The following KLHL24 variants were observed in gnomAD, a reference collection of about 807,000 sequenced individuals.
KLHL24 encodes kelch-like protein 24.
Under a neutral mutation model 53.4 loss-of-function variants are expected in KLHL24, and 29 were observed. The observed-to-expected ratio is 0.54, with a 90% CI of 0.40 to 0.74. The LOEUF (loss-of-function observed/expected upper bound fraction) is 0.74. KLHL24 is among the 30% of genes least tolerant of loss of function. The pLI is 0.00. For missense variants in KLHL24, 504 were observed against 744.0 expected, an observed-to-expected ratio of 0.68 and a Z score of 3.75; for synonymous variants, 222 against 253.7, an observed-to-expected ratio of 0.88 and a Z score of 1.19.
chr3:183,652,379 A>G (rs1420861944), intron 3 of KLHL24, among the ~76,000 whole-genome samples: 2 of 152,162 alleles, frequency 1.3e-5, no homozygotes, highest in Non-Finnish European at 2.9e-5. Context: ...TATTACAGTA[A>G]ATTATCCTTT....
chr3:183,639,182 A>G (rs1715885211), intron 1 of KLHL24, among the ~76,000 whole-genome samples: 2 of 152,006 alleles, frequency 1.3e-5, no homozygotes, highest in South Asian at 4.1e-4. Flanking sequence ...CCTGGGCAAC[A>G]GGAGCAAAAC....
At chr3:183,638,779 A>G (rs569107003) in intron 1 of KLHL24, among the ~76,000 whole-genome samples, 1 of 152,290 alleles carries the variant, frequency 6.6e-6, no homozygotes, top group East Asian at 1.9e-4. Context: ...CAAAAAATAA[A>G]CAATAAAACA....
At position 183,681,443 on chromosome 3, in the gene KLHL24, T is replaced by A. The variant is rs1419768373; in HGVS notation, c.*2157T>A. ...TTTTTCTGTTGTAAAAAGTATTAAC[T>A]ATTTACTTTTATTTTGTTATACATT... On this transcript the variant is annotated 3_prime_UTR_variant, in exon 8 of 8. Coordinates refer to ENST00000242810, the MANE Select transcript of KLHL24 (RefSeq NM_017644.3). The A allele has an allele frequency of 6.6e-6, 1 of 152,278 alleles. No individual in the cohort carries two copies. Among genetic ancestry groups the A allele is most frequent in the Non-Finnish European group, 1.5e-5 (1 of 67,846 alleles). The allele number at this position is 152,278 out of a possible 1,614,324, so 9.4% of individuals were successfully genotyped here. A position where few individuals can be genotyped will look rare whatever the true frequency, so the allele number is the denominator to read the frequency against.
intron 5 of KLHL24, among the ~76,000 whole-genome samples, chr3:183,670,188 C>T: frequency 6.6e-6 from 1 of 152,076 alleles, no homozygotes; most frequent in East Asian, 1.9e-4. Flanking sequence ...TTACTTGAAC[C>T]TCGGAGGTTG....
chr3:183,661,931 T>C (rs1719858885), intron 3 of KLHL24, among the ~76,000 whole-genome samples: 1 of 152,206 alleles, frequency 6.6e-6, no homozygotes, highest in Admixed American at 6.5e-5. Flanking sequence ...GGATTTGTCT[T>C]AGATTTTAAG....
intron 3 of KLHL24, among the ~76,000 whole-genome samples, chr3:183,655,498 A>G (rs778783536): frequency 1.4e-4 from 21 of 152,170 alleles, no homozygotes; most frequent in Non-Finnish European, 1.9e-4. Flanking sequence ...GCATTGTAGC[A>G]TGTACCTGTA....
In KLHL24 at chr3:183,663,729, A is replaced by G; in HGVS notation, c.1105+87A>G. The G allele has an allele frequency of 1.5e-6, 1 of 670,644 alleles. No individual in the cohort carries two copies. Among genetic ancestry groups the G allele is most frequent in the Non-Finnish European group, 2.3e-6 (1 of 431,052 alleles). 41.5% of individuals were successfully genotyped at this position (670,644 alleles called of 1,614,324 possible). On this transcript the variant is annotated intron_variant, in intron 4 of 7. Transcript: ENST00000242810. This position sits in a 1 kb window ranked among gnomAD's most constrained non-coding sequence, Gnocchi z 4.9. ...ATCAACAGTGTCTTAAAATAGTGAA[A>G]TGTGAATACTCCCACTTGAGGAAGA...
chr3:183,658,415 C>A (rs773270166), intron 3 of KLHL24, among the ~76,000 whole-genome samples: 3 of 151,996 alleles, frequency 2.0e-5, no homozygotes, highest in Non-Finnish European at 4.4e-5. Flanking sequence ...TTTGAAAGAG[C>A]TATATGGTAT....
intron 1 of KLHL24, among the ~76,000 whole-genome samples, chr3:183,639,755 C>T (rs756266762): frequency 6.6e-6 from 1 of 151,984 alleles, no homozygotes; most frequent in Non-Finnish European, 1.5e-5. Context: ...CTTGTAATCC[C>T]AGCACTTTGG....
intron 1 of KLHL24, among the ~76,000 whole-genome samples, chr3:183,640,593 C>CTTTTTTCT (rs753304316): frequency 0.058 from 8,339 of 144,422 alleles, 928 homozygotes; most frequent in African/African-American, 0.21. Flanking sequence ...TTTCTTTTTT[C>CTTTTTTCT]TTTTTTCTTT....
chr3:183,650,383 A>T lies in KLHL24; in HGVS notation c.27A>T (p.Leu9=). 1 of 1,614,064 alleles carries T rather than the reference A, an allele frequency of 6.2e-7. No individual in the cohort carries two copies. The highest frequency in any genetic ancestry group is 8.5e-7 in the Non-Finnish European group (1 of 1,179,940). The change falls in exon 3 of 8, where the codon CTA becomes CTT. Residue 9 remains leucine, a synonymous_variant. Coordinates refer to ENST00000242810, the MANE Select transcript of KLHL24 (RefSeq NM_017644.3). The surrounding 1 kb of genome is among the most constrained non-coding windows in gnomAD (Gnocchi z 4.5). MVLILGRR[L]NREDLGVRDS... ...TGGTACTAATATTGGGACGCAGACTAAACAGAGAGGATCTTGGGGTGCGTG... is the reference window on the plus strand; with the variant it reads ...TGGTACTAATATTGGGACGCAGACTTAACAGAGAGGATCTTGGGGTGCGTG...
At position 183,650,817 on chromosome 3, in the gene KLHL24, C is replaced by T. The variant is rs1441200258; in HGVS notation, c.461C>T (p.Ala154Val). The change falls in exon 3 of 8, where the codon GCA (alanine) becomes GTA (valine). Residue 154 changes from alanine to valine, a missense_variant. Coordinates refer to ENST00000242810, the MANE Select transcript of KLHL24 (RefSeq NM_017644.3). The surrounding 1 kb of genome is among the most constrained non-coding windows in gnomAD (Gnocchi z 4.5). Reference sequence around the variant, plus strand: ...TTTCAGATTAGTGTTCTCCGTGATGCATGTGCCAAGTTCTTGGAGGAGCAA... The same window carrying T: ...TTTCAGATTAGTGTTCTCCGTGATGTATGTGCCAAGTTCTTGGAGGAGCAA... Reference protein sequence around the residue: ...SLFQISVLRDACAKFLEEQLD... With the variant: ...SLFQISVLRDVCAKFLEEQLD... 1.2e-6 allele frequency: 2 copies of T among 1,613,946 alleles called. No individual in the cohort carries two copies. Among genetic ancestry groups the T allele is most frequent in the Admixed American group, 1.7e-5 (1 of 60,016 alleles).
Position 183,669,633 on chromosome 3 carries a change from G to A in KLHL24, c.1225-1401G>A, listed in dbSNP as rs1721070721. Among the ~76,000 whole-genome samples, 3 of 152,166 alleles carry A rather than the reference G, an allele frequency of 2.0e-5. No individual in the cohort carries two copies. In the South Asian group the frequency reaches 6.2e-4, roughly 32 times the overall value. On this transcript the variant is annotated intron_variant, in intron 5 of 7. Coordinates refer to ENST00000242810, the MANE Select transcript of KLHL24 (RefSeq NM_017644.3). ...CATTGAGTACTGTGGAAATTTGGGG[G>A]TGCACAGAAAGATAAATTGTGGACA...
chr3:183,674,243 TTTTCTTTCTTTCTTTCTTTCTTTC>T (rs370677824), intron 7 of KLHL24, among the ~76,000 whole-genome samples: 5 of 131,070 alleles, frequency 3.8e-5, no homozygotes, highest in East Asian at 2.3e-4. Context: ...TTAGCATCAA[TTTTCTTTCTTTCTTTCTTTCTTTC>T]TTTCTTTCTT....
intron 2 of KLHL24, among the ~76,000 whole-genome samples, chr3:183,647,100 C>A (rs559810459): frequency 1.5e-4 from 22 of 148,816 alleles, no homozygotes; most frequent in Admixed American, 1.3e-4. Flanking sequence ...CGTCAGCCAC[C>A]GCGCCCGGCC....
chr3:183,665,178 A>G lies in KLHL24; in HGVS notation c.1224+139A>G, dbSNP rs999017506. The G allele has an allele frequency of 8.5e-6, 5 of 590,708 alleles. No homozygotes were observed. In the African/African-American group the frequency reaches 9.2e-5, roughly 11 times the overall value. The allele number at this position is 590,708 out of a possible 1,614,324, so 36.6% of individuals were successfully genotyped here. A position where few individuals can be genotyped will look rare whatever the true frequency, so the allele number is the denominator to read the frequency against. ...TTCCATTTCTAACCTCAATAGATAA[A>G]CCAAAGATATAAACAATATGACACT... On this transcript the variant is annotated intron_variant, in intron 5 of 7. Coordinates refer to ENST00000242810, the MANE Select transcript of KLHL24 (RefSeq NM_017644.3).
intron 1 of KLHL24, among the ~76,000 whole-genome samples, chr3:183,640,438 GCTAT>G (rs780030183): frequency 2.0e-4 from 31 of 152,128 alleles, no homozygotes; most frequent in Non-Finnish European, 3.8e-4. Context: ...GTCATCAACA[GCTAT>G]CTGTTTTGTT....
intron 2 of KLHL24, among the ~76,000 whole-genome samples, chr3:183,646,361 CAAAAAA>C (rs35945634): frequency 0.014 from 965 of 66,774 alleles, 8 homozygotes; most frequent in African/African-American, 0.048. Flanking sequence ...GACTCCATCT[CAAAAAA>C]AAAAAAAAAA....
At chr3:183,646,786 T>G (rs1420609146) in intron 2 of KLHL24, among the ~76,000 whole-genome samples, 1 of 152,156 alleles carries the variant, frequency 6.6e-6, no homozygotes, top group Non-Finnish European at 1.5e-5. Context: ...ATTATTTATG[T>G]TGTTTGAATA....
Sources: gnomAD v4.1 joint callset for allele counts (sites outside exome capture counted in the v4.1 genomes callset) on GRCh38, gnomAD v4.1.1 for gene constraint, Gnocchi (gnomAD v3.1) non-coding constraint, MANE v1.5 for transcripts, NCBI Gene and HGNC (gene_info 2026-07-23, HGNC 2026-07-21) for gene names.